DLGAP1: variants seen among roughly 807,000 people sequenced by gnomAD.
The protein encoded by DLGAP1 is disks large-associated protein 1.
A neutral mutation model predicts 90.8 loss-of-function variants in DLGAP1; 11 were observed. The ratio of observed to expected loss-of-function variants is 0.12; its 90% CI spans 0.08 to 0.20. The LOEUF is 0.20. Ranked by LOEUF, DLGAP1 falls within the 10% of genes least tolerant of loss-of-function variation. The probability of loss-of-function intolerance (pLI) is 1.00; values close to 1 mark genes in which losing one functional copy is unlikely to be tolerated. For missense variants in DLGAP1, 1,050 were observed against 1,333.8 expected (o/e 0.79, Z 3.31); for synonymous variants, 558 against 540.7 (o/e 1.03, Z -0.44).
chr18:3,527,191 T>C (rs2051684306), intron 10 of DLGAP1, among the ~76,000 whole-genome samples: 1 of 152,200 alleles, frequency 6.6e-6, no homozygotes, highest in Non-Finnish European at 1.5e-5. Flanking sequence ...TTAGTCAGTT[T>C]CAGGTGAACT....
chr18:3,807,636 G>A (rs2066628892), intron 5 of DLGAP1, among the ~76,000 whole-genome samples: 1 of 130,748 alleles, frequency 7.6e-6, no homozygotes, highest in South Asian at 2.7e-4. Context: ...GGATGTGCAG[G>A]TTTGTTACAT....
intron 1 of DLGAP1, among the ~76,000 whole-genome samples, chr18:4,207,847 G>A (rs1220749623): frequency 6.6e-6 from 1 of 152,178 alleles, no homozygotes; most frequent in Non-Finnish European, 1.5e-5. Flanking sequence ...TGTCTTTTAA[G>A]CTTTCTTTTT....
intron 1 of DLGAP1, among the ~76,000 whole-genome samples, chr18:4,369,034 A>G (rs9961409): frequency 6.6e-6 from 1 of 152,214 alleles, no homozygotes; most frequent in Non-Finnish European, 1.5e-5. Context: ...ACACTGCATC[A>G]GGGATATGCA....
intron 1 of DLGAP1, among the ~76,000 whole-genome samples, chr18:4,240,230 A>G (rs2078503465): frequency 6.6e-6 from 1 of 152,164 alleles, no homozygotes; most frequent in South Asian, 2.1e-4. Flanking sequence ...AAAAATGTGA[A>G]GAATTTTCTT....
intron 3 of DLGAP1, among the ~76,000 whole-genome samples, chr18:3,925,845 A>G (rs1243835127): frequency 6.6e-6 from 1 of 152,266 alleles, no homozygotes; most frequent in Non-Finnish European, 1.5e-5. Flanking sequence ...AGAAAGCCAG[A>G]AAGAAGAGAA....
At chr18:3,508,721 T>G in intron 10 of DLGAP1, 60 bp from the exon 11 acceptor site, 1 of 1,402,682 alleles carries the variant, frequency 7.1e-7, no homozygotes, top group Non-Finnish European at 1.0e-6. Context: ...AGATTTAGTC[T>G]GGTAAAGCAA....
intron 7 of DLGAP1, among the ~76,000 whole-genome samples, chr18:3,720,999 T>C (rs924051630): frequency 6.6e-6 from 1 of 151,344 alleles, no homozygotes; most frequent in South Asian, 2.1e-4. Flanking sequence ...GAGGCTGCAG[T>C]GAGCTGGGAT....
intron 10 of DLGAP1, among the ~76,000 whole-genome samples, chr18:3,520,397 C>T (rs2051105715): frequency 1.3e-5 from 2 of 152,196 alleles, no homozygotes; most frequent in Admixed American, 1.3e-4. Context: ...TAAAATTCCT[C>T]TTCTCCCCCT....
At chr18:4,079,757 T>C (rs1392623518) in intron 2 of DLGAP1, among the ~76,000 whole-genome samples, 2 of 151,754 alleles carry the variant, frequency 1.3e-5, no homozygotes, top group African/African-American at 2.4e-5. Flanking sequence ...GTTCTTCCCA[T>C]AGATACAACC....
intron 5 of DLGAP1, among the ~76,000 whole-genome samples, chr18:3,756,639 G>A (rs2063730302): frequency 6.6e-6 from 1 of 151,754 alleles, no homozygotes; most frequent in Non-Finnish European, 1.5e-5. Flanking sequence ...TAAATGAAAT[G>A]GAAAGCAAAA....
At chr18:3,610,171 C>T (rs1255158248) in intron 7 of DLGAP1, among the ~76,000 whole-genome samples, 5 of 152,300 alleles carry the variant, frequency 3.3e-5, no homozygotes, top group South Asian at 2.1e-4. Flanking sequence ...TATTTTACCT[C>T]AAAATATACT....
chr18:3,845,361 T>C, intron 4 of DLGAP1: 1 of 1,542,350 alleles, frequency 6.5e-7, no homozygotes, highest in Non-Finnish European at 8.8e-7. Context: ...TTCTAAGTGG[T>C]TGAGTGAGGC....
At chr18:4,067,580 A>T (rs992098633) in intron 2 of DLGAP1, among the ~76,000 whole-genome samples, 4 of 145,466 alleles carry the variant, frequency 2.7e-5, no homozygotes, top group Admixed American at 6.8e-5. Context: ...ATTAACTGAG[A>T]GTTTGGCATT....
chr18:3,547,169 C>T (rs192514888), intron 9 of DLGAP1, among the ~76,000 whole-genome samples: 1,589 of 151,670 alleles, frequency 0.01, 24 homozygotes, highest in African/African-American at 0.036. Flanking sequence ...GGCGTGGTGG[C>T]GGGCGCCGGT....
At chr18:3,512,606 A>G (rs2050607547) in intron 10 of DLGAP1, among the ~76,000 whole-genome samples, 1 of 152,238 alleles carries the variant, frequency 6.6e-6, no homozygotes, top group South Asian at 2.1e-4. Context: ...TTAAATTATC[A>G]TCACTTAGTA....
chr18:3,743,480 G>C (rs925550042), intron 5 of DLGAP1, among the ~76,000 whole-genome samples: 29 of 148,238 alleles, frequency 2.0e-4, no homozygotes, highest in Non-Finnish European at 4.0e-4. Flanking sequence ...TCAGCCTCCC[G>C]AGTAGCTGGG....
chr18:4,243,661 A>T (rs117078678), intron 1 of DLGAP1, among the ~76,000 whole-genome samples: 2,853 of 152,322 alleles, frequency 0.019, 36 homozygotes, highest in Non-Finnish European at 0.027. Context: ...ATGTCCCATG[A>T]TGTTTCTTTC....
At chr18:3,833,124 T>C (rs1263333367) in intron 4 of DLGAP1, among the ~76,000 whole-genome samples, 1 of 151,288 alleles carries the variant, frequency 6.6e-6, no homozygotes, top group Non-Finnish European at 1.5e-5. Flanking sequence ...TTCTATGAAT[T>C]ATAAGATTCC....
intron 1 of DLGAP1, among the ~76,000 whole-genome samples, chr18:4,197,404 A>G (rs1224002994): frequency 6.6e-6 from 1 of 152,082 alleles, no homozygotes; most frequent in African/African-American, 2.4e-5. Context: ...GGTTGATTTC[A>G]AAATACAGAG....
Sources: allele counts gnomAD v4.1 joint callset (sites outside exome capture counted in the v4.1 genomes callset), GRCh38; gene constraint gnomAD v4.1.1; transcripts MANE v1.5; gene names NCBI Gene and HGNC (gene_info 2026-07-23, HGNC 2026-07-21).